Variants in BMP2K observed in about 807,000 individuals in gnomAD.
BMP2K encodes BMP2 inducible kinase, also known as BMP-2-inducible protein kinase.
Under a neutral mutation model 116.0 loss-of-function variants are expected in BMP2K, and 74 were observed. The observed-to-expected ratio is 0.64, with a 90% CI of 0.53 to 0.77. BMP2K has a LOEUF of 0.77. Ranked by LOEUF, BMP2K falls within the 30% of genes least tolerant of loss-of-function variation. BMP2K has a pLI of 0.00. For missense variants in BMP2K, 1,365 were observed against 1,403.6 expected (o/e 0.97, Z 0.44); for synonymous variants, 486 against 502.5 (o/e 0.97, Z 0.44).
At chr4:78,839,657 C>T (rs557996794) in intron 3 of BMP2K, among the ~76,000 whole-genome samples, 1 of 152,068 alleles carries the variant, frequency 6.6e-6, no homozygotes, top group South Asian at 2.1e-4. Context: ...AAAGTATTAC[C>T]TCATGAAATC....
chr4:78,804,168 C>G (rs1728704577), intron 1 of BMP2K, among the ~76,000 whole-genome samples: 1 of 152,124 alleles, frequency 6.6e-6, no homozygotes, highest in Non-Finnish European at 1.5e-5. Flanking sequence ...TATTTTCTGT[C>G]TCTATGGATT....
intron 1 of BMP2K, among the ~76,000 whole-genome samples, chr4:78,806,671 A>G (rs777818210): frequency 6.6e-6 from 1 of 152,114 alleles, no homozygotes; most frequent in Admixed American, 6.5e-5. Context: ...TGGTGAGAAA[A>G]GACATCCTTG....
intron 1 of BMP2K, among the ~76,000 whole-genome samples, chr4:78,801,229 A>G (rs1176124020): frequency 6.6e-6 from 1 of 152,132 alleles, no homozygotes; most frequent in African/African-American, 2.4e-5. Flanking sequence ...TTTCTCACCA[A>G]GTCAGCTTCT....
chr4:78,793,922 T>C, intron 1 of BMP2K, among the ~76,000 whole-genome samples: 1 of 152,322 alleles, frequency 6.6e-6, no homozygotes, highest in South Asian at 2.1e-4. Flanking sequence ...TATATGTGGC[T>C]CACATTATAT....
intron 1 of BMP2K, among the ~76,000 whole-genome samples, chr4:78,780,287 G>T (rs750555786): frequency 6.6e-6 from 1 of 152,180 alleles, no homozygotes; most frequent in Non-Finnish European, 1.5e-5. Context: ...AGGTTATGGG[G>T]GCTGGGTAGG....
chr4:78,810,733 G>A (rs1729049314), intron 1 of BMP2K, among the ~76,000 whole-genome samples: 1 of 152,158 alleles, frequency 6.6e-6, no homozygotes, highest in Non-Finnish European at 1.5e-5. Context: ...GGCTATCATG[G>A]AGCTGGAGAG....
intron 15 of BMP2K, 150 bp downstream of exon 15, chr4:78,887,434 G>C (rs1414095040): frequency 3.1e-6 from 2 of 638,528 alleles, no homozygotes; most frequent in Non-Finnish European, 5.5e-6. Flanking sequence ...TCTTCTTAAT[G>C]ATGTTCTTTG....
At chr4:78,907,373 A>C (rs1264136264) in intron 15 of BMP2K, among the ~76,000 whole-genome samples, 1 of 152,186 alleles carries the variant, frequency 6.6e-6, no homozygotes, top group Non-Finnish European at 1.5e-5. Flanking sequence ...AATTTTAAGA[A>C]GACTAGGGAG....
At chr4:78,785,372 A>G (rs988132650) in intron 1 of BMP2K, among the ~76,000 whole-genome samples, 2 of 152,188 alleles carry the variant, frequency 1.3e-5, no homozygotes, top group Non-Finnish European at 2.9e-5. Context: ...TTGGCTTCCC[A>G]AAGTGCTGGG....
intron 15 of BMP2K, among the ~76,000 whole-genome samples, chr4:78,892,574 A>G (rs1350837035): frequency 6.6e-6 from 1 of 152,118 alleles, no homozygotes; most frequent in Non-Finnish European, 1.5e-5. Flanking sequence ...GTTTTCTTCT[A>G]CCTATTTCAG....
rs1184586762 is a variant in BMP2K, at chr4:78,909,705, T to C, written c.2063-905T>C. Reference sequence around the variant, plus strand: ...GTCTCCTTAGGGAGGTCTTCACCACTGTCCAAAGTAGGTTTATGCGCCCAT... The same window carrying C: ...GTCTCCTTAGGGAGGTCTTCACCACCGTCCAAAGTAGGTTTATGCGCCCAT... On this transcript the variant is annotated intron_variant, in intron 15 of 15. Transcript: ENST00000502613. Among the ~76,000 whole-genome samples the C allele has an allele frequency of 2.0e-5, 3 of 152,230 alleles. No individual in the cohort carries two copies. In the East Asian group the frequency reaches 5.8e-4, roughly 29 times the overall value.
At chr4:78,825,364 C>T (rs903850183) in intron 1 of BMP2K, among the ~76,000 whole-genome samples, 1 of 152,180 alleles carries the variant, frequency 6.6e-6, no homozygotes, top group African/African-American at 2.4e-5. Flanking sequence ...CTTTCTGATT[C>T]TTTGTTCCAT....
intron 1 of BMP2K, among the ~76,000 whole-genome samples, chr4:78,783,279 G>C (rs1727591661): frequency 3.3e-5 from 5 of 152,098 alleles, no homozygotes; most frequent in Admixed American, 3.3e-4. Context: ...GAAATTATTT[G>C]CAACAAAGGA....
intron 15 of BMP2K, among the ~76,000 whole-genome samples, chr4:78,905,021 T>G (rs1560556439): frequency 6.6e-6 from 1 of 151,936 alleles, no homozygotes; most frequent in Non-Finnish European, 1.5e-5. Flanking sequence ...TATAAATATG[T>G]GGAATATATG....
chr4:78,866,752 G>A (rs1243511811), intron 10 of BMP2K, among the ~76,000 whole-genome samples: 1 of 152,106 alleles, frequency 6.6e-6, no homozygotes, highest in African/African-American at 2.4e-5. Context: ...CTGGGTTCAA[G>A]CCATTCTCCT....
rs894315613 is a variant in BMP2K, at chr4:78,781,787, C to A, written c.178+5066C>A. On this transcript the variant is annotated intron_variant, in intron 1 of 15. Coordinates refer to ENST00000502613, the MANE Select transcript of BMP2K (RefSeq NM_198892.2). Reference sequence around the variant, plus strand: ...ACTTTTGATTATGTCTGAGTGAGGCCCACTCTTTCAGTGATACAGATGCTG... The same window carrying A: ...ACTTTTGATTATGTCTGAGTGAGGCACACTCTTTCAGTGATACAGATGCTG... Among the ~76,000 whole-genome samples, 4 of 151,872 alleles carry A rather than the reference C, an allele frequency of 2.6e-5. No homozygotes were observed. In the East Asian group the frequency reaches 7.7e-4, roughly 29 times the overall value.
At chr4:78,834,013 T>G (rs957823969) in intron 3 of BMP2K, among the ~76,000 whole-genome samples, 1 of 152,188 alleles carries the variant, frequency 6.6e-6, no homozygotes, top group Non-Finnish European at 1.5e-5. Flanking sequence ...TATGTCAATA[T>G]TAATGTTGTA....
chr4:78,783,051 T>C (rs139082912), intron 1 of BMP2K, among the ~76,000 whole-genome samples: 452 of 152,348 alleles, frequency 3.0e-3, no homozygotes, highest in African/African-American at 0.011. Flanking sequence ...TCCGATTTGG[T>C]TATACGCTTT....
chr4:78,777,618 A>G (rs758367203), intron 1 of BMP2K, among the ~76,000 whole-genome samples: 10 of 152,228 alleles, frequency 6.6e-5, no homozygotes, highest in Non-Finnish European at 8.8e-5. Context: ...GCAAAATGAT[A>G]CTACAAAATA....
Sources: allele counts gnomAD v4.1 joint callset (sites outside exome capture counted in the v4.1 genomes callset), GRCh38; gene constraint gnomAD v4.1.1; transcripts MANE v1.5; gene names NCBI Gene and HGNC (gene_info 2026-07-23, HGNC 2026-07-21).